Variants in PAX2 observed in about 807,000 individuals in gnomAD.
PAX2 encodes paired box 2.
Under a neutral mutation model 41.7 loss-of-function variants are expected in PAX2, and 9 were observed. The ratio of observed to expected loss-of-function variants is 0.22; its 90% confidence interval spans 0.13 to 0.38. The LOEUF is 0.38. Among genes scored for constraint, PAX2 ranks in the 10% least tolerant of loss-of-function variants. The pLI is 1.00. For synonymous variants in PAX2, 221 were observed against 212.7 expected (o/e 1.04, Z -0.34); for missense variants, 418 against 531.6 (o/e 0.79, Z 2.10).
At chr10:100,753,522 G>C (rs749363407) in intron 3 of PAX2, among the ~76,000 whole-genome samples, 1 of 152,212 alleles carries the variant, frequency 6.6e-6, no homozygotes, top group Non-Finnish European at 1.5e-5. Flanking sequence ...AGATTTTCCT[G>C]TGTGCACAAA....
intron 5 of PAX2, among the ~76,000 whole-genome samples, chr10:100,784,549 T>C (rs551073702): frequency 6.6e-6 from 1 of 152,320 alleles, no homozygotes; most frequent in South Asian, 2.1e-4. Context: ...AAGCTGCTCC[T>C]CTTTTGCTCT....
Position 100,828,506 on chromosome 10 carries a change from C to T in PAX2, c.*887C>T. 1 of 234,138 alleles carries T rather than the reference C, an allele frequency of 4.3e-6. No individual in the cohort carries two copies. The allele number at this position is 234,138 out of a possible 1,614,324, so 14.5% of individuals were successfully genotyped here. A position where few individuals can be genotyped will look rare whatever the true frequency, so the allele number is the denominator to read the frequency against. ...CCTCCTGCCAGTCCTTCGCCTGTCC[C>T]TTGACGCCCTGCATCCTCCTCCCTG... On this transcript the variant is annotated 3_prime_UTR_variant, in exon 10 of 10. Transcript: ENST00000355243. This position sits in a 1 kb window ranked among gnomAD's most constrained non-coding sequence, Gnocchi z 6.5.
rs1848486438 is a variant in PAX2, at chr10:100,824,617, G to A, written c.920-31G>A. ...GTAGAGGCAGGCCCCTTTCTTCCAGGCCTCACCCCTTCCCCTTTGTGTTTT... is the reference window on the plus strand; with the variant it reads ...GTAGAGGCAGGCCCCTTTCTTCCAGACCTCACCCCTTCCCCTTTGTGTTTT... On this transcript the variant is annotated intron_variant, in intron 7 of 9. Transcript: ENST00000355243. This position sits in a 1 kb window ranked among gnomAD's most constrained non-coding sequence, Gnocchi z 6.6. 2.1e-6 allele frequency: 3 copies of A among 1,431,454 alleles called. No homozygotes were observed. The highest frequency in any genetic ancestry group is 3.0e-6 in the Non-Finnish European group (3 of 1,012,978). The allele number at this position is 1,431,454 out of a possible 1,614,324, so 88.7% of individuals were successfully genotyped here.
chr10:100,773,336 A>G (rs910329309), intron 3 of PAX2, among the ~76,000 whole-genome samples: 37 of 152,276 alleles, frequency 2.4e-4, no homozygotes, highest in African/African-American at 8.7e-4. Context: ...AAGCCTGCCC[A>G]GCCTAGTCCA....
chr10:100,767,770 G>A (rs1413371662), intron 3 of PAX2, among the ~76,000 whole-genome samples: 7 of 152,172 alleles, frequency 4.6e-5, no homozygotes, highest in Non-Finnish European at 1.0e-4. Flanking sequence ...CACGAGTCAG[G>A]AGGTCAAACA....
chr10:100,827,140 G>A lies in PAX2; in HGVS notation c.1108+45G>A. ...GGCCGGCGGCTCAGCGCGGCCGCGCGGCTTCTGGGCACGGTCCCACTCCCG... is the reference window on the plus strand; with the variant it reads ...GGCCGGCGGCTCAGCGCGGCCGCGCAGCTTCTGGGCACGGTCCCACTCCCG... On this transcript the variant is annotated intron_variant, in intron 9 of 9. Transcript: ENST00000355243. This position sits in a 1 kb window ranked among gnomAD's most constrained non-coding sequence, Gnocchi z 8.5. 1.3e-6 allele frequency: 2 copies of A among 1,492,378 alleles called. No individual in the cohort carries two copies. The highest frequency in any genetic ancestry group is 1.4e-5 in the African/African-American group (1 of 72,374). The allele number at this position is 1,492,378 out of a possible 1,614,324, so 92.4% of individuals were successfully genotyped here. A position where few individuals can be genotyped will look rare whatever the true frequency, so the allele number is the denominator to read the frequency against.
intron 7 of PAX2, among the ~76,000 whole-genome samples, chr10:100,810,853 A>G (rs1204887168): frequency 6.9e-6 from 1 of 145,368 alleles, no homozygotes; most frequent in Non-Finnish European, 1.5e-5. Context: ...AGCAGCCCCC[A>G]CCCGCCTCCC....
intron 5 of PAX2, among the ~76,000 whole-genome samples, chr10:100,800,166 G>A (rs973294633): frequency 6.6e-5 from 10 of 151,968 alleles, no homozygotes; most frequent in Non-Finnish European, 1.0e-4. Context: ...GGGCAACCCC[G>A]TTCATCCCAC....
At chr10:100,796,076 C>T (rs186922093) in intron 5 of PAX2, among the ~76,000 whole-genome samples, 201 of 152,254 alleles carry the variant, frequency 1.3e-3, no homozygotes, top group African/African-American at 4.4e-3. Flanking sequence ...TTATGGTCCC[C>T]GCTTCCATCT....
chr10:100,812,208 G>T (rs1477332950), intron 7 of PAX2, among the ~76,000 whole-genome samples: 2 of 152,224 alleles, frequency 1.3e-5, no homozygotes, highest in Admixed American at 6.5e-5. Flanking sequence ...GGTAGTGTTT[G>T]CAAGTTCTGC....
At position 100,827,431 on chromosome 10, in the gene PAX2, C is replaced by T. The variant is rs565793097; in HGVS notation, c.1109-112C>T. On this transcript the variant is annotated intron_variant, in intron 9 of 9. Transcript: ENST00000355243. The surrounding 1 kb of genome is among the most constrained non-coding windows in gnomAD (Gnocchi z 8.5). Reference sequence around the variant, plus strand: ...ACTGCCCAGCCAAGGTCTCCCAGTCCGGATCCCGCTGGACCCCAGCCAGGG... The same window carrying T: ...ACTGCCCAGCCAAGGTCTCCCAGTCTGGATCCCGCTGGACCCCAGCCAGGG... 7 of 1,114,894 alleles carry T rather than the reference C, an allele frequency of 6.3e-6. No individual in the cohort carries two copies. Among genetic ancestry groups the T allele is most frequent in the Admixed American group, 3.4e-5 (2 of 58,098 alleles). 69.1% of individuals were successfully genotyped at this position (1,114,894 alleles called of 1,614,324 possible). A position where few individuals can be genotyped will look rare whatever the true frequency, so the allele number is the denominator to read the frequency against.
At chr10:100,759,988 G>T (rs923140586) in intron 3 of PAX2, among the ~76,000 whole-genome samples, 4 of 152,122 alleles carry the variant, frequency 2.6e-5, no homozygotes, top group Non-Finnish European at 5.9e-5. Context: ...ACATGGAGGC[G>T]GTCAGGAAGG....
chr10:100,799,879 G>C (rs1847486406), intron 5 of PAX2, among the ~76,000 whole-genome samples: 1 of 149,894 alleles, frequency 6.7e-6, no homozygotes, highest in East Asian at 2.0e-4. Context: ...CCGCCTCCTG[G>C]GTTCAAGCGA....
chr10:100,759,432 C>A (rs1028404430), intron 3 of PAX2, among the ~76,000 whole-genome samples: 1 of 152,180 alleles, frequency 6.6e-6, no homozygotes, highest in Non-Finnish European at 1.5e-5. Context: ...CCAGCAGTGG[C>A]TCCAGCCTAG....
intron 5 of PAX2, among the ~76,000 whole-genome samples, chr10:100,798,147 A>C (rs1589868717): frequency 2.5e-5 from 3 of 119,206 alleles, no homozygotes; most frequent in African/African-American, 3.3e-5. Flanking sequence ...TCAGGGTCTC[A>C]CTCTGTCTCC....
intron 3 of PAX2, among the ~76,000 whole-genome samples, chr10:100,767,271 A>G (rs2133870190): frequency 6.6e-6 from 1 of 152,186 alleles, no homozygotes; most frequent in African/African-American, 2.4e-5. Flanking sequence ...CAGTCCTCCC[A>G]AGCACGATGC....
chr10:100,742,636 C>T (rs1845001901), upstream of PAX2, among the ~76,000 whole-genome samples: 1 of 152,062 alleles, frequency 6.6e-6, no homozygotes, highest in Non-Finnish European at 1.5e-5. Context: ...CTTTAAATTT[C>T]CGCAGGGAGG....
At chr10:100,796,191 C>T (rs937330905) in intron 5 of PAX2, among the ~76,000 whole-genome samples, 10 of 152,176 alleles carry the variant, frequency 6.6e-5, no homozygotes, top group Non-Finnish European at 1.5e-5. Flanking sequence ...TTTAAAAATT[C>T]ACTCACAATG....
At position 100,748,942 on chromosome 10, in the gene PAX2, G is replaced by T; in HGVS notation, c.44-804G>T. Reference sequence around the variant, plus strand: ...AACCAGGCTCTGCGAGGCGCGGCAGGCAGGCGAGCCCAAGCAGCCGGCATT... The same window carrying T: ...AACCAGGCTCTGCGAGGCGCGGCAGTCAGGCGAGCCCAAGCAGCCGGCATT... On this transcript the variant is annotated intron_variant, in intron 1 of 9. Coordinates refer to ENST00000355243, the MANE Select transcript of PAX2 (RefSeq NM_000278.5). This position sits in a 1 kb window ranked among gnomAD's most constrained non-coding sequence, Gnocchi z 5.0. 5 of 985,380 alleles carry T rather than the reference G, an allele frequency of 5.1e-6. No homozygotes were observed. Among genetic ancestry groups the T allele is most frequent in the Non-Finnish European group, 6.0e-6 (5 of 829,918 alleles). The allele number at this position is 985,380 out of a possible 1,614,324, so 61.0% of individuals were successfully genotyped here.
Sources: allele counts gnomAD v4.1 joint callset (sites outside exome capture counted in the v4.1 genomes callset), GRCh38; gene constraint gnomAD v4.1.1; non-coding constraint Gnocchi (gnomAD v3.1); transcripts MANE v1.5; gene names NCBI Gene and HGNC (gene_info 2026-07-23, HGNC 2026-07-21).